CSRNP3: variants seen among roughly 807,000 people sequenced by gnomAD.
The protein encoded by CSRNP3 is cysteine and serine rich nuclear protein 3, also known as cysteine/serine-rich nuclear protein 3.
CSRNP3 carries 12 observed loss-of-function variants against 48.0 expected under a neutral mutation model. The observed-to-expected ratio is 0.25, with a 90% CI of 0.16 to 0.41. The LOEUF (loss-of-function observed/expected upper bound fraction) is 0.41, where lower values mean the gene tolerates loss of function less well. Among genes scored for constraint, CSRNP3 ranks in the 10% least tolerant of loss-of-function variants. CSRNP3 has a pLI of 1.00. For missense variants in CSRNP3, 580 were observed against 724.4 expected (o/e 0.80, Z 2.29); for synonymous variants, 263 against 269.7 (o/e 0.98, Z 0.24).
In CSRNP3 at chr2:165,602,056, T is replaced by C. The variant is rs564989151; in HGVS notation, c.148+6843T>C. On this transcript the variant is annotated intron_variant, in intron 4 of 6. Transcript: ENST00000651982. ...ATTATGTCTACCCAGCATTGTAGTATTAGTTTGAGAACTAACTTTAGCAAA... is the reference window on the plus strand; with the variant it reads ...ATTATGTCTACCCAGCATTGTAGTACTAGTTTGAGAACTAACTTTAGCAAA... Among the ~76,000 whole-genome samples the C allele has an allele frequency of 1.1e-4, 17 of 152,290 alleles. No individual in the cohort carries two copies. The East Asian group carries it at 3.3e-3, about 29-fold the overall frequency.
At chr2:165,602,270 A>G (rs531121883) in intron 4 of CSRNP3, among the ~76,000 whole-genome samples, 65 of 152,236 alleles carry the variant, frequency 4.3e-4, no homozygotes, top group South Asian at 2.3e-3. Context: ...AATAGGCATC[A>G]TAAGTTAGAG....
chr2:165,651,035 A>G (rs932973099), intron 4 of CSRNP3, among the ~76,000 whole-genome samples: 4 of 152,222 alleles, frequency 2.6e-5, no homozygotes, highest in Non-Finnish European at 5.9e-5. Flanking sequence ...ATAAAAAACA[A>G]CAAGTGTACT....
rs1687536365 is a variant in CSRNP3, at chr2:165,681,426, A to G, written c.*1673A>G. 1 of 149,258 alleles carries G rather than the reference A, an allele frequency of 6.7e-6. No individual in the cohort carries two copies. The highest frequency in any genetic ancestry group is 1.5e-5 in the Non-Finnish European group (1 of 67,030). 9.2% of individuals were successfully genotyped at this position (149,258 alleles called of 1,614,324 possible). On this transcript the variant is annotated 3_prime_UTR_variant, in exon 7 of 7. Transcript: ENST00000651982. Reference sequence around the variant, plus strand: ...GTAGATCTCAATTTCTAAAAAAAATATTTTATTTAATTGAACTTAAAAATG... The same window carrying G: ...GTAGATCTCAATTTCTAAAAAAAATGTTTTATTTAATTGAACTTAAAAATG...
chr2:165,517,919 C>T lies in CSRNP3; in HGVS notation c.-66C>T, dbSNP rs1209492792. Reference sequence around the variant, plus strand: ...CAGACTGAAAATATGTTTTCAGAGGCATAGAATCTTCAGGAAAATACTGGA... The same window carrying T: ...CAGACTGAAAATATGTTTTCAGAGGTATAGAATCTTCAGGAAAATACTGGA... On this transcript the variant is annotated 5_prime_UTR_variant, in exon 3 of 7. Coordinates refer to ENST00000651982, the MANE Select transcript of CSRNP3 (RefSeq NM_001172173.2). 6.6e-6 allele frequency: 1 copy of T among 152,256 alleles called. No individual in the cohort carries two copies. The highest frequency in any genetic ancestry group is 1.5e-5 in the Non-Finnish European group (1 of 67,796). 9.4% of individuals were successfully genotyped at this position (152,256 alleles called of 1,614,324 possible).
chr2:165,568,206 C>G (rs1685322546), intron 3 of CSRNP3, among the ~76,000 whole-genome samples: 1 of 152,026 alleles, frequency 6.6e-6, no homozygotes, highest in South Asian at 2.1e-4. Flanking sequence ...CTCCACCAGG[C>G]TAGCCTCTCC....
In CSRNP3 at chr2:165,662,301, A is replaced by G. The variant is rs556587973; in HGVS notation, c.408+4281A>G. On this transcript the variant is annotated intron_variant, in intron 5 of 6. Transcript: ENST00000651982. Reference sequence around the variant, plus strand: ...AATAATATGTATGTATTACCTTAGTAGAACAAATCCAATTCTATTTGGGGG... The same window carrying G: ...AATAATATGTATGTATTACCTTAGTGGAACAAATCCAATTCTATTTGGGGG... 2.6e-5 allele frequency among the ~76,000 whole-genome samples: 4 copies of G among 152,334 alleles called. No individual in the cohort carries two copies. In the East Asian group the frequency reaches 7.7e-4, roughly 29 times the overall value.
intron 4 of CSRNP3, among the ~76,000 whole-genome samples, chr2:165,656,202 T>A (rs78104885): frequency 0.025 from 3,827 of 152,316 alleles, 161 homozygotes; most frequent in African/African-American, 0.087. Flanking sequence ...ACTAACAGTC[T>A]ACATCAAAAA....
chr2:165,605,970 A>G (rs1431827466), intron 4 of CSRNP3, among the ~76,000 whole-genome samples: 1 of 152,146 alleles, frequency 6.6e-6, no homozygotes, highest in African/African-American at 2.4e-5. Flanking sequence ...GCAACATGGT[A>G]TGTGACGGAG....
At chr2:165,620,972 A>G (rs939158475) in intron 4 of CSRNP3, among the ~76,000 whole-genome samples, 1 of 151,950 alleles carries the variant, frequency 6.6e-6, no homozygotes, top group Non-Finnish European at 1.5e-5. Context: ...TATTTAACCC[A>G]CTTTTTTCTA....
In CSRNP3 at chr2:165,555,451, G is replaced by C. The variant is rs567371094; in HGVS notation, c.-24+37490G>C. Among the ~76,000 whole-genome samples, 91 of 152,344 alleles carry C rather than the reference G, an allele frequency of 6.0e-4. 1 individual carries two copies. Among genetic ancestry groups the C allele is most frequent in the Non-Finnish European group, 1.1e-3 (73 of 68,038 alleles). On this transcript the variant is annotated intron_variant, in intron 3 of 6. Transcript: ENST00000651982. ...TAGAGCAAGTAAGCTGTGCCACTAA[G>C]AATGGAATGCGAGCAATATGACTCC...
At chr2:165,584,305 T>C (rs1363184612) in intron 3 of CSRNP3, among the ~76,000 whole-genome samples, 1 of 152,122 alleles carries the variant, frequency 6.6e-6, no homozygotes, top group African/African-American at 2.4e-5. Flanking sequence ...CAGCCTCATT[T>C]TTCTAGCCCT....
chr2:165,482,438 AT>A (rs1342699333), intron 1 of CSRNP3, among the ~76,000 whole-genome samples: 1 of 151,680 alleles, frequency 6.6e-6, no homozygotes, highest in Admixed American at 6.6e-5. Context: ...CAGTTTTTGT[AT>A]TTTTTTGTAG....
chr2:165,634,800 A>G (rs984137381), intron 4 of CSRNP3, among the ~76,000 whole-genome samples: 2 of 152,180 alleles, frequency 1.3e-5, no homozygotes, highest in Admixed American at 1.3e-4. Context: ...TCTAGAAAGT[A>G]CTCCAGTACA....
At chr2:165,582,434 T>C (rs1413826013) in intron 3 of CSRNP3, among the ~76,000 whole-genome samples, 2 of 151,944 alleles carry the variant, frequency 1.3e-5, no homozygotes, top group Non-Finnish European at 2.9e-5. Flanking sequence ...ATGAGGCCAG[T>C]TTTGGGTGGT....
At chr2:165,512,360 T>C (rs1353086229) in intron 2 of CSRNP3, among the ~76,000 whole-genome samples, 1 of 152,274 alleles carries the variant, frequency 6.6e-6, no homozygotes, top group Non-Finnish European at 1.5e-5. Context: ...GATTCTCTTA[T>C]AATTCTAACA....
At chr2:165,608,934 C>CAAAAAAA (rs33952227) in intron 4 of CSRNP3, among the ~76,000 whole-genome samples, 890 of 75,188 alleles carry the variant, frequency 0.012, no homozygotes, top group Non-Finnish European at 0.015. Context: ...ACTAAAAATA[C>CAAAAAAA]AAAAAAAAAA....
chr2:165,634,226 G>C (rs1332598652), intron 4 of CSRNP3, among the ~76,000 whole-genome samples: 1 of 151,946 alleles, frequency 6.6e-6, no homozygotes, highest in Non-Finnish European at 1.5e-5. Context: ...TGTAATCCCA[G>C]GTACTCAGGA....
intron 5 of CSRNP3, among the ~76,000 whole-genome samples, chr2:165,670,193 T>G (rs1687305567): frequency 6.6e-6 from 1 of 152,214 alleles, no homozygotes; most frequent in South Asian, 2.1e-4. Context: ...TTCATTTAAC[T>G]GCTACTCTAT....
At chr2:165,471,070 T>C (rs1350931148) in intron 1 of CSRNP3, among the ~76,000 whole-genome samples, 1 of 151,984 alleles carries the variant, frequency 6.6e-6, no homozygotes, top group African/African-American at 2.4e-5. Context: ...ATAATAGTTC[T>C]TGGAAAATTA....
Sources: gnomAD v4.1 joint callset for allele counts (sites outside exome capture counted in the v4.1 genomes callset) on GRCh38, gnomAD v4.1.1 for gene constraint, MANE v1.5 for transcripts, NCBI Gene and HGNC (gene_info 2026-07-23, HGNC 2026-07-21) for gene names.